Variants in SULF1 observed in about 807,000 individuals in gnomAD.
The protein encoded by SULF1 is extracellular sulfatase Sulf-1.
A neutral mutation model predicts 110.5 loss-of-function variants in SULF1; 46 were observed. The observed-to-expected ratio is 0.42, with a 90% CI of 0.33 to 0.53. The LOEUF (loss-of-function observed/expected upper bound fraction) is 0.53, where lower values mean the gene tolerates loss of function less well. SULF1 is among the 20% of genes least tolerant of loss of function. The pLI, the probability that SULF1 is intolerant of heterozygous loss-of-function variation, is 0.12. For missense variants in SULF1, 941 were observed against 1,094.2 expected, an observed-to-expected ratio of 0.86 and a Z score of 1.98; for synonymous variants, 371 against 387.1, an observed-to-expected ratio of 0.96 and a Z score of 0.49.
intron 3 of SULF1, among the ~76,000 whole-genome samples, chr8:69,552,385 G>A (rs543643150): frequency 1.3e-5 from 2 of 152,284 alleles, no homozygotes; most frequent in South Asian, 2.1e-4. Context: ...AAAAAAATCA[G>A]TACTAAGATT....
At position 69,472,734 on chromosome 8, in the gene SULF1, T is replaced by G. The variant is rs1240581265; in HGVS notation, c.-391+5784T>G. Among the ~76,000 whole-genome samples, 3 of 152,348 alleles carry G rather than the reference T, an allele frequency of 2.0e-5. No individual in the cohort carries two copies. The South Asian group carries it at 6.2e-4, about 32-fold the overall frequency. On this transcript the variant is annotated intron_variant, in intron 1 of 22. Transcript: ENST00000260128. Reference sequence around the variant, plus strand: ...CAAAGAGAGGCATTAACAATCACATTTGACACCATCGTCACCTGTAGCCGC... The same window carrying G: ...CAAAGAGAGGCATTAACAATCACATGTGACACCATCGTCACCTGTAGCCGC...
intron 8 of SULF1, among the ~76,000 whole-genome samples, chr8:69,591,669 AGCCCAGCAGGGATATAGATAAGCGT>A (rs1328921716): frequency 3.3e-5 from 5 of 152,218 alleles, no homozygotes; most frequent in Non-Finnish European, 7.3e-5. Context: ...GACACTATGC[AGCCCAGCAGGGATATAGATAAGCGT>A]GAGGAAGACA....
At chr8:69,508,363 C>T (rs1036200136) in intron 3 of SULF1, among the ~76,000 whole-genome samples, 1 of 152,162 alleles carries the variant, frequency 6.6e-6, no homozygotes, top group African/African-American at 2.4e-5. Flanking sequence ...CCTTGGCCTT[C>T]CAAAATGCTG....
At chr8:69,518,610 A>G (rs1021388526) in intron 3 of SULF1, among the ~76,000 whole-genome samples, 5 of 152,140 alleles carry the variant, frequency 3.3e-5, no homozygotes, top group Non-Finnish European at 4.4e-5. Context: ...TCAGATCTAG[A>G]ATGACCTACC....
At chr8:69,641,288 C>T (rs1811450881) in intron 22 of SULF1, 1 of 155,180 alleles carries the variant, frequency 6.4e-6, no homozygotes, top group Non-Finnish European at 1.4e-5. Flanking sequence ...ATTTTAAGAG[C>T]ACTGTAAGGC....
intron 6 of SULF1, among the ~76,000 whole-genome samples, chr8:69,583,878 G>A (rs1196232799): frequency 2.6e-5 from 4 of 152,216 alleles, no homozygotes; most frequent in African/African-American, 9.7e-5. Context: ...GAGACTGTGA[G>A]TGAAATGGCA....
chr8:69,584,063 CCTCTGAGGG>C (rs1806272247), intron 6 of SULF1, among the ~76,000 whole-genome samples: 1 of 152,144 alleles, frequency 6.6e-6, no homozygotes, highest in Non-Finnish European at 1.5e-5. Context: ...TCAAAGTAGG[CCTCTGAGGG>C]CAAGCTAGCA....
In SULF1 at chr8:69,660,871, T is replaced by A. The variant is rs1813054053; in HGVS notation, c.*2336T>A. ...TAGAACAATTCTGGCTTCAGGAAAG[T>A]CTAGAAGCAATATTTCTTCAAATAA... On this transcript the variant is annotated 3_prime_UTR_variant, in exon 23 of 23. Transcript: ENST00000402687. 6.6e-6 allele frequency: 1 copy of A among 152,664 alleles called. No homozygotes were observed. Among genetic ancestry groups the A allele is most frequent in the Non-Finnish European group, 1.5e-5 (1 of 68,042 alleles). 9.5% of individuals were successfully genotyped at this position (152,664 alleles called of 1,614,324 possible).
intron 11 of SULF1, 105 bp downstream of exon 11, chr8:69,603,425 C>A: frequency 6.5e-7 from 1 of 1,549,412 alleles, no homozygotes; most frequent in Non-Finnish European, 8.9e-7. Context: ...TATGCCTTGC[C>A]CACAAGGATC....
chr8:69,479,013 C>T (rs1432872266), intron 1 of SULF1, among the ~76,000 whole-genome samples: 4 of 152,180 alleles, frequency 2.6e-5, no homozygotes, highest in Non-Finnish European at 4.4e-5. Context: ...GTGGAAGGCA[C>T]CATCTCATGC....
At chr8:69,615,936 A>T (rs1809068581) in intron 13 of SULF1, among the ~76,000 whole-genome samples, 1 of 152,100 alleles carries the variant, frequency 6.6e-6, no homozygotes, top group Non-Finnish European at 1.5e-5. Context: ...TTGTGATTAT[A>T]AAAACCACAG....
chr8:69,571,176 C>T (rs1805203481), intron 5 of SULF1, among the ~76,000 whole-genome samples: 1 of 152,196 alleles, frequency 6.6e-6, no homozygotes, highest in African/African-American at 2.4e-5. Flanking sequence ...AGCTTTTGGA[C>T]TTCAGATGTA....
At chr8:69,606,665 G>C in intron 13 of SULF1, among the ~76,000 whole-genome samples, 1 of 152,176 alleles carries the variant, frequency 6.6e-6, no homozygotes. Context: ...GGCAAATGTA[G>C]CATAAACCAG....
chr8:69,603,152 T>G (rs1292652113), intron 10 of SULF1, 40 bp from the exon 11 acceptor site: 1 of 1,610,446 alleles, frequency 6.2e-7, no homozygotes, highest in Admixed American at 1.7e-5. Flanking sequence ...CACCTTCCCC[T>G]GGCATTGGAT....
In SULF1 at chr8:69,578,431, C is replaced by T. The variant is rs376596687; in HGVS notation, c.412+2222C>T. On this transcript the variant is annotated intron_variant, in intron 6 of 22. Coordinates refer to ENST00000402687, the MANE Select transcript of SULF1 (RefSeq NM_001128205.2). Reference sequence around the variant, plus strand: ...GGTTAGTTACATATGTATACATGTGCCGTGCTGGTGTGCTGCACCCATTAA... The same window carrying T: ...GGTTAGTTACATATGTATACATGTGTCGTGCTGGTGTGCTGCACCCATTAA... 5.9e-5 allele frequency among the ~76,000 whole-genome samples: 9 copies of T among 151,786 alleles called. No individual in the cohort carries two copies. In the East Asian group the frequency reaches 1.7e-3, roughly 29 times the overall value.
chr8:69,588,961 G>A lies in SULF1; in HGVS notation c.565-11G>A, dbSNP rs764394489. On this transcript the variant is annotated splice_polypyrimidine_tract_variant and intron_variant, in intron 7 of 22. Coordinates refer to ENST00000402687, the MANE Select transcript of SULF1 (RefSeq NM_001128205.2). Reference sequence around the variant, plus strand: ...TTGTAATTTTTGTTTTGTGTCAAATGTATGTTTCAGGACTACTTCACAGAC... The same window carrying A: ...TTGTAATTTTTGTTTTGTGTCAAATATATGTTTCAGGACTACTTCACAGAC... The A allele has an allele frequency of 3.1e-6, 5 of 1,600,624 alleles. No homozygotes were observed. The highest frequency in any genetic ancestry group is 2.2e-5 in the South Asian group (2 of 90,514).
At chr8:69,641,154 G>T (rs1268324590) in intron 22 of SULF1, 1 of 263,110 alleles carries the variant, frequency 3.8e-6, no homozygotes, top group Non-Finnish European at 7.1e-6. Context: ...GGGAGCCCCG[G>T]GAAAGGGTGG....
intron 3 of SULF1, among the ~76,000 whole-genome samples, chr8:69,511,311 T>G (rs2150590060): frequency 6.6e-6 from 1 of 152,336 alleles, no homozygotes; most frequent in South Asian, 2.1e-4. Context: ...TTCAGATTTT[T>G]TTCTCCCATT....
intron 8 of SULF1, 80 bp from the exon 9 acceptor site, chr8:69,600,523 A>T: frequency 7.3e-7 from 1 of 1,369,286 alleles, no homozygotes; most frequent in African/African-American, 1.4e-5. Context: ...CTCCTTAATG[A>T]TTATTTCACA....
Sources: allele counts gnomAD v4.1 joint callset (sites outside exome capture counted in the v4.1 genomes callset), GRCh38; gene constraint gnomAD v4.1.1; transcripts MANE v1.5; gene names NCBI Gene and HGNC (gene_info 2026-07-23, HGNC 2026-07-21).